CSMD1: variants seen among roughly 807,000 people sequenced by gnomAD.
The protein encoded by CSMD1 is CUB and sushi domain-containing protein 1.
A neutral mutation model predicts 417.5 loss-of-function variants in CSMD1; 213 were observed. The ratio of observed to expected loss-of-function variants is 0.51; its 90% CI spans 0.46 to 0.57. The LOEUF (loss-of-function observed/expected upper bound fraction) is 0.57, where lower values mean the gene tolerates loss of function less well. Among genes scored for constraint, CSMD1 ranks in the 20% least tolerant of loss-of-function variants. CSMD1 has a pLI of 0.00. For synonymous variants in CSMD1, 2,862 were observed against 1,736.8 expected (o/e 1.65, Z -16.11); for missense variants, 6,923 against 4,529.7 (o/e 1.53, Z -15.17).
rs1812465724 is a variant in CSMD1, at chr8:3,408,145, T to A, written c.1825A>T (p.Asn609Tyr). ...NYPEEYGNNM[N>Y]CVWLIISEPG... is the part of the protein sequence containing the mutation. ...TCCGAGATAATCAACCAGACACAGTTCATGTTGTTCCCATATTCCTCTGGA... is the reference window on the plus strand; with the variant it reads ...TCCGAGATAATCAACCAGACACAGTACATGTTGTTCCCATATTCCTCTGGA... Residue 609 changes from asparagine to tyrosine, a missense_variant, in exon 14 of 70, where the codon AAC (asparagine) becomes TAC (tyrosine). Physicochemically the swap from Asn to Tyr is moderately radical, Grantham distance 143 (BLOSUM62 -2). Transcript: ENST00000635120. 6.2e-6 allele frequency: 10 copies of A among 1,613,206 alleles called. No individual in the cohort carries two copies. Among genetic ancestry groups the A allele is most frequent in the Non-Finnish European group, 8.5e-6 (10 of 1,179,612 alleles).
intron 20 of CSMD1, among the ~76,000 whole-genome samples, chr8:3,366,217 T>A (rs562806610): frequency 6.6e-6 from 1 of 152,150 alleles, no homozygotes; most frequent in Non-Finnish European, 1.5e-5. Context: ...GCAGCTGTAG[T>A]GCAGCAGGGC....
At chr8:4,268,792 C>G (rs1804385441) in intron 3 of CSMD1, among the ~76,000 whole-genome samples, 1 of 151,730 alleles carries the variant, frequency 6.6e-6, no homozygotes, top group Admixed American at 6.6e-5. Context: ...ATCGACATCA[C>G]AAAGGACATT....
rs190227978 is a variant in CSMD1 at position 4,392,305 on chromosome 8, G to A, written c.415+27648C>T. On this transcript the variant is annotated intron_variant, in intron 3 of 69. Transcript: ENST00000635120. ...ATATATCCTGGAATAAAACACAAGC[G>A]GCAGGTTTTACCATGGGGACCACGG... 4.6e-5 allele frequency among the ~76,000 whole-genome samples: 7 copies of A among 152,230 alleles called. No individual in the cohort carries two copies. In the East Asian group the frequency reaches 7.7e-4, roughly 17 times the overall value.
Position 3,000,106 on chromosome 8 carries a change from C to T in CSMD1, c.8055G>A (p.Pro2685=), listed in dbSNP as rs376009667. 50 of 1,568,928 alleles carry T rather than the reference C, an allele frequency of 3.2e-5. No individual in the cohort carries two copies. Among genetic ancestry groups the T allele is most frequent in the Middle Eastern group, 1.7e-4 (1 of 5,944 alleles). ...CLAGHCGSPD[P]IVNGHISGDG... Reference sequence around the variant, plus strand: ...CTCCACTAATGTGACCGTTCACAATCGGGTCTGGGGAACCGCAGTGGCCAG... The same window carrying T: ...CTCCACTAATGTGACCGTTCACAATTGGGTCTGGGGAACCGCAGTGGCCAG... The change falls in exon 53 of 70, where the codon CCG becomes CCA. Residue 2685 remains proline, a synonymous_variant. Coordinates refer to ENST00000635120, the MANE Select transcript of CSMD1 (RefSeq NM_033225.6).
chr8:4,180,609 T>C (rs1370911868), intron 3 of CSMD1, among the ~76,000 whole-genome samples: 1 of 151,048 alleles, frequency 6.6e-6, no homozygotes, highest in Non-Finnish European at 1.5e-5. Context: ...TAAAATAAAA[T>C]ACAAAACAAA....
intron 3 of CSMD1, among the ~76,000 whole-genome samples, chr8:4,253,193 C>T (rs1422598328): frequency 6.6e-6 from 1 of 152,166 alleles, no homozygotes; most frequent in East Asian, 1.9e-4. Context: ...TTCTCCTCTT[C>T]TACGATCCCG....
chr8:2,947,072 C>T (rs754402639), intron 68 of CSMD1, among the ~76,000 whole-genome samples: 1 of 152,060 alleles, frequency 6.6e-6, no homozygotes, highest in Non-Finnish European at 1.5e-5. Flanking sequence ...AGGTTATTTG[C>T]CTCTGTATTA....
chr8:3,461,104 C>A (rs1816472876), intron 12 of CSMD1, among the ~76,000 whole-genome samples: 1 of 152,182 alleles, frequency 6.6e-6, no homozygotes. Flanking sequence ...AGACTCAGGT[C>A]CCACCATCAG....
chr8:3,913,344 G>T (rs17328881), intron 5 of CSMD1, among the ~76,000 whole-genome samples: 2 of 151,954 alleles, frequency 1.3e-5, no homozygotes, highest in Non-Finnish European at 2.9e-5. Context: ...AGGCCAATCC[G>T]ATATCAGAAC....
chr8:3,099,156 AC>A (rs1305102476), intron 46 of CSMD1, among the ~76,000 whole-genome samples: 1 of 152,052 alleles, frequency 6.6e-6, no homozygotes, highest in East Asian at 1.9e-4. Context: ...AAGCCAGCAG[AC>A]TTCACTCATC....
At chr8:4,860,001 G>A (rs1380526842) in intron 1 of CSMD1, among the ~76,000 whole-genome samples, 1 of 152,050 alleles carries the variant, frequency 6.6e-6, no homozygotes, top group East Asian at 1.9e-4. Flanking sequence ...CAAAGACTTG[G>A]AACCAACCCA....
chr8:3,720,966 C>A (rs950451493), intron 6 of CSMD1, among the ~76,000 whole-genome samples: 23 of 151,854 alleles, frequency 1.5e-4, no homozygotes, highest in African/African-American at 5.3e-4. Flanking sequence ...CAGGCACCCA[C>A]CACTACACCC....
chr8:3,080,464 G>A (rs1343736491), intron 49 of CSMD1, among the ~76,000 whole-genome samples: 4 of 152,182 alleles, frequency 2.6e-5, no homozygotes, highest in African/African-American at 9.7e-5. Flanking sequence ...AAACAACCTG[G>A]AGTTCCCTGA....
intron 3 of CSMD1, among the ~76,000 whole-genome samples, chr8:4,093,183 A>G (rs1355241133): frequency 6.6e-6 from 1 of 152,248 alleles, no homozygotes; most frequent in Non-Finnish European, 1.5e-5. Flanking sequence ...AAGTAAACAG[A>G]AAATTTGAAG....
At chr8:4,814,467 G>C (rs186337810) in intron 1 of CSMD1, among the ~76,000 whole-genome samples, 2 of 152,096 alleles carry the variant, frequency 1.3e-5, no homozygotes, top group African/African-American at 2.4e-5. Context: ...AGGTGATCTC[G>C]AACTCCTAAA....
intron 3 of CSMD1, among the ~76,000 whole-genome samples, chr8:4,152,973 T>C (rs1482900180): frequency 1.3e-5 from 2 of 152,226 alleles, no homozygotes; most frequent in Non-Finnish European, 2.9e-5. Context: ...CCTTCATTTT[T>C]CTGCTATGAC....
At chr8:4,112,393 G>A (rs1440329937) in intron 3 of CSMD1, among the ~76,000 whole-genome samples, 1 of 152,176 alleles carries the variant, frequency 6.6e-6, no homozygotes, top group Non-Finnish European at 1.5e-5. Flanking sequence ...AAAATGCCCT[G>A]ACAAGGCTGA....
At chr8:3,398,382 G>C (rs7007789) in intron 16 of CSMD1, among the ~76,000 whole-genome samples, 79,912 of 151,922 alleles carry the variant, frequency 0.53, 21,262 homozygotes, top group Middle Eastern at 0.61. Flanking sequence ...AAGAGATTGT[G>C]CTATTGGGGA....
At chr8:3,203,333 T>C (rs1189140668) in intron 31 of CSMD1, among the ~76,000 whole-genome samples, 2 of 152,072 alleles carry the variant, frequency 1.3e-5, no homozygotes, top group Non-Finnish European at 2.9e-5. Context: ...ACACACTGAG[T>C]CCCAGTGAGC....
Sources: gnomAD v4.1 joint callset for allele counts (sites outside exome capture counted in the v4.1 genomes callset) on GRCh38, gnomAD v4.1.1 for gene constraint, MANE v1.5 for transcripts, NCBI Gene and HGNC (gene_info 2026-07-23, HGNC 2026-07-21) for gene names.